MAP3K5: variants seen among roughly 807,000 people sequenced by gnomAD.
The protein encoded by MAP3K5 is ASK-1.
In MAP3K5, 56 loss-of-function variants were observed where a neutral mutation model predicts 158.7. That is an observed-to-expected ratio of 0.35 (90% CI 0.28 to 0.44). The LOEUF is 0.44. Ranked by LOEUF, MAP3K5 falls within the 20% of genes least tolerant of loss-of-function variation. The pLI, the probability that MAP3K5 is intolerant of heterozygous loss-of-function variation, is 1.00. For missense variants in MAP3K5, 1,294 were observed against 1,674.8 expected (o/e 0.77, Z 3.97); for synonymous variants, 579 against 601.7 (o/e 0.96, Z 0.55).
intron 1 of MAP3K5, among the ~76,000 whole-genome samples, chr6:136,765,985 C>T (rs1251341085): frequency 2.0e-5 from 3 of 152,144 alleles, no homozygotes; most frequent in Non-Finnish European, 4.4e-5. Flanking sequence ...TCCATTCCTG[C>T]ACTAGGAACA....
intron 2 of MAP3K5, 75 bp from the exon 3 acceptor site, chr6:136,705,208 T>G: frequency 1.5e-6 from 1 of 687,432 alleles, no homozygotes; most frequent in Non-Finnish European, 2.4e-6. Flanking sequence ...TTGAACTATG[T>G]GGGAAAATTT....
intron 23 of MAP3K5, among the ~76,000 whole-genome samples, chr6:136,584,141 A>G (rs954883142): frequency 2.0e-5 from 3 of 152,210 alleles, no homozygotes; most frequent in East Asian, 1.9e-4. Context: ...GCTTTGCCCA[A>G]AAAGACTAAG....
At chr6:136,619,480 T>C (rs1487195893) in intron 15 of MAP3K5, among the ~76,000 whole-genome samples, 1 of 151,852 alleles carries the variant, frequency 6.6e-6, no homozygotes, top group Non-Finnish European at 1.5e-5. Context: ...GAGAGGGAGG[T>C]ACAGAGATTT....
At chr6:136,713,787 G>A (rs1423423242) in intron 2 of MAP3K5, among the ~76,000 whole-genome samples, 1 of 152,172 alleles carries the variant, frequency 6.6e-6, no homozygotes, top group Non-Finnish European at 1.5e-5. Context: ...GAGTCCCAGG[G>A]TTTTTAAATC....
intron 7 of MAP3K5, among the ~76,000 whole-genome samples, chr6:136,687,820 TG>T (rs1780215215): frequency 6.6e-6 from 1 of 152,098 alleles, no homozygotes; most frequent in Admixed American, 6.5e-5. Context: ...ACACTGTCAG[TG>T]GGAGTGTAAA....
At position 136,755,033 on chromosome 6, in the gene MAP3K5, T is replaced by C. The variant is rs113212601; in HGVS notation, c.449-34444A>G. Among the ~76,000 whole-genome samples, 598 of 152,194 alleles carry C rather than the reference T, an allele frequency of 3.9e-3. 3 individuals carry two copies. Among genetic ancestry groups the C allele is most frequent in the African/African-American group, 0.014 (579 of 41,512 alleles). ...GAGTCCATTTACTCCTCTCTATCTA[T>C]ATGGCCCATCTGGTCTCCTAACGCA... On this transcript the variant is annotated intron_variant, in intron 1 of 29. Coordinates refer to ENST00000359015, the MANE Select transcript of MAP3K5 (RefSeq NM_005923.4).
At chr6:136,580,472 A>C in intron 24 of MAP3K5, 66 bp from the exon 25 acceptor site, 1 of 932,188 alleles carries the variant, frequency 1.1e-6, no homozygotes. Context: ...TGATCGAAGC[A>C]CTTGTATGAA....
chr6:136,711,671 AAAAG>A (rs145580138), intron 2 of MAP3K5, among the ~76,000 whole-genome samples: 74,975 of 147,612 alleles, frequency 0.51, 19,080 homozygotes, highest in African/African-American at 0.56. Flanking sequence ...CTCAAAAAAA[AAAAG>A]AAAGAAAGAA....
Position 136,753,511 on chromosome 6 carries a change from G to A in MAP3K5, c.449-32922C>T, listed in dbSNP as rs559780433. 6.0e-5 allele frequency among the ~76,000 whole-genome samples: 9 copies of A among 150,904 alleles called. No homozygotes were observed. In the East Asian group the frequency reaches 1.2e-3, roughly 20 times the overall value. On this transcript the variant is annotated intron_variant, in intron 1 of 29. Coordinates refer to ENST00000359015, the MANE Select transcript of MAP3K5 (RefSeq NM_005923.4). The stretch of plus-strand genomic sequence containing the variant: ...CCACAGATAGTATTTTTTTTTTTCC[G>A]GAATCTAAAAGGACCAGAAAGCATT...
intron 2 of MAP3K5, among the ~76,000 whole-genome samples, chr6:136,717,003 T>C (rs555455256): frequency 6.6e-6 from 1 of 151,186 alleles, no homozygotes; most frequent in African/African-American, 2.4e-5. Context: ...ACTAAAAATA[T>C]AAAAATTAGC....
chr6:136,653,139 C>G (rs1036031007), intron 10 of MAP3K5, among the ~76,000 whole-genome samples: 1 of 152,156 alleles, frequency 6.6e-6, no homozygotes, highest in Non-Finnish European at 1.5e-5. Flanking sequence ...TCTCCTTCCT[C>G]TTTCCCGACG....
intron 1 of MAP3K5, among the ~76,000 whole-genome samples, chr6:136,741,859 G>A (rs1005759767): frequency 7.2e-5 from 11 of 152,070 alleles, no homozygotes; most frequent in African/African-American, 2.2e-4. Flanking sequence ...CAATAAACAA[G>A]TGGAATTTGA....
chr6:136,673,711 A>T (rs1465332683), intron 7 of MAP3K5, among the ~76,000 whole-genome samples: 1 of 89,620 alleles, frequency 1.1e-5, no homozygotes, highest in Admixed American at 1.1e-4. Context: ...AGAGATATAG[A>T]AAAAAAAAAA....
chr6:136,592,916 C>T, intron 21 of MAP3K5: 1 of 437,892 alleles, frequency 2.3e-6, no homozygotes, highest in Non-Finnish European at 4.4e-6. Flanking sequence ...CTCATTTTTA[C>T]TGACTACTAA....
In MAP3K5 at chr6:136,613,666, G is replaced by A. The variant is rs907812874; in HGVS notation, c.2279-410C>T. Among the ~76,000 whole-genome samples the A allele has an allele frequency of 6.6e-6, 1 of 152,006 alleles. No homozygotes were observed. Among genetic ancestry groups the A allele is most frequent in the African/African-American group, 2.4e-5 (1 of 41,382 alleles). ...TGTAACTTCTGATTCTGCGATTATA[G>A]GCTAAATCTCTTCCGCATTTTTGTC... On this transcript the variant is annotated intron_variant, in intron 16 of 29. Transcript: ENST00000359015. This position sits in a 1 kb window ranked among gnomAD's most constrained non-coding sequence, Gnocchi z 4.0.
At chr6:136,690,105 A>C (rs1463166099) in intron 7 of MAP3K5, among the ~76,000 whole-genome samples, 1 of 152,096 alleles carries the variant, frequency 6.6e-6, no homozygotes, top group African/African-American at 2.4e-5. Flanking sequence ...AAATATTTTT[A>C]ATATACTTGA....
chr6:136,736,744 G>A (rs1401878416), intron 1 of MAP3K5, among the ~76,000 whole-genome samples: 2 of 152,006 alleles, frequency 1.3e-5, no homozygotes, highest in African/African-American at 4.8e-5. Flanking sequence ...AGGCTGGAGT[G>A]CAATGGTATG....
In MAP3K5 at chr6:136,669,268, T is replaced by C; in HGVS notation, c.1366+15A>G. The C allele has an allele frequency of 1.3e-6, 2 of 1,542,974 alleles. No homozygotes were observed. The highest frequency in any genetic ancestry group is 1.8e-6 in the Non-Finnish European group (2 of 1,115,894). ...AGTTTCTTGATTTCCATGTAAAATATCAAGTTGTAATTACCAACTTTCCGG... is the reference window on the plus strand; with the variant it reads ...AGTTTCTTGATTTCCATGTAAAATACCAAGTTGTAATTACCAACTTTCCGG... On this transcript the variant is annotated intron_variant, in intron 8 of 29. Coordinates refer to ENST00000359015, the MANE Select transcript of MAP3K5 (RefSeq NM_005923.4).
intron 21 of MAP3K5, among the ~76,000 whole-genome samples, chr6:136,598,269 G>A (rs530756743): frequency 2.0e-4 from 31 of 152,286 alleles, no homozygotes; most frequent in African/African-American, 7.2e-4. Context: ...CCATTCACCT[G>A]TTAAGTTCAT....
Sources: allele counts gnomAD v4.1 joint callset (sites outside exome capture counted in the v4.1 genomes callset), GRCh38; gene constraint gnomAD v4.1.1; non-coding constraint Gnocchi (gnomAD v3.1); transcripts MANE v1.5; gene names NCBI Gene and HGNC (gene_info 2026-07-23, HGNC 2026-07-21).